The following PHKA1 variants were observed in gnomAD, a reference collection of about 807,000 sequenced individuals.
PHKA1 encodes phosphorylase kinase regulatory subunit alpha 1.
A neutral mutation model predicts 110.2 loss-of-function variants in PHKA1; 60 were observed. The observed-to-expected ratio is 0.54, with a 90% CI of 0.44 to 0.68. The LOEUF is 0.68. Ranked by LOEUF, PHKA1 falls within the 30% of genes least tolerant of loss-of-function variation. The pLI is 0.00. For synonymous variants in PHKA1, 316 were observed against 333.6 expected, an observed-to-expected ratio of 0.95 and a Z score of 0.58; for missense variants, 801 against 942.5, an observed-to-expected ratio of 0.85 and a Z score of 1.97.
intron 2 of PHKA1, among the ~76,000 whole-genome samples, chrX:72,709,893 A>T (rs1339199379): frequency 9.1e-6 from 1 of 109,325 alleles, no homozygotes; most frequent in Non-Finnish European, 1.9e-5. Flanking sequence ...ATACAAAAAA[A>T]TTAGCCGGGT....
At chrX:72,656,073 G>A (rs1569442695) in intron 10 of PHKA1, 47 bp downstream of exon 10, 3 of 1,194,303 alleles carry the variant, frequency 2.5e-6, no homozygotes, top group African/African-American at 1.7e-5. Context: ...GCTGTAAGAA[G>A]ATATAACAAA....
chrX:72,638,662 A>T (rs1167551110), intron 14 of PHKA1, among the ~76,000 whole-genome samples: 11 of 111,252 alleles, frequency 9.9e-5, no homozygotes, highest in Non-Finnish European at 1.9e-4. Context: ...TAGGATTTGT[A>T]TTTGAGGCTT....
chrX:72,679,366 A>C (rs782571312), intron 5 of PHKA1, among the ~76,000 whole-genome samples: 70 of 109,654 alleles, frequency 6.4e-4, no homozygotes, highest in Non-Finnish European at 1.3e-4. Context: ...ATTTACAGGA[A>C]TACAACAATA....
chrX:72,680,597 A>C (rs1400218293), intron 5 of PHKA1, among the ~76,000 whole-genome samples: 1 of 107,904 alleles, frequency 9.3e-6, no homozygotes, highest in African/African-American at 3.6e-5. Flanking sequence ...AAGTTTTTCG[A>C]GGGAGCCCGT....
At position 72,631,767 on chromosome X, in the gene PHKA1, T is replaced by C. The variant is rs782594603; in HGVS notation, c.1714+3388A>G. On this transcript the variant is annotated intron_variant, in intron 16 of 31. Transcript: ENST00000373542. ...AACTTTCAGAGTTTTCTTATGTTTG[T>C]TTTATATATGTCAAGGATTTTTAGC... Among the ~76,000 whole-genome samples the C allele has an allele frequency of 1.4e-4, 16 of 111,448 alleles. 1 individual carries two copies. The South Asian group carries it at 6.0e-3, about 42-fold the overall frequency.
intron 28 of PHKA1, among the ~76,000 whole-genome samples, chrX:72,599,233 T>C (rs2052627695): frequency 8.9e-6 from 1 of 111,804 alleles, no homozygotes; most frequent in African/African-American, 3.2e-5. Context: ...CCATTTTTTG[T>C]TTGGTAATTG....
chrX:72,672,256 A>G (rs1350487592), intron 6 of PHKA1, among the ~76,000 whole-genome samples: 2 of 112,043 alleles, frequency 1.8e-5, no homozygotes, highest in Non-Finnish European at 3.8e-5. Context: ...CCCTGAAACT[A>G]TTCTGCCCTC....
intron 17 of PHKA1, among the ~76,000 whole-genome samples, chrX:72,626,621 C>A (rs1251771637): frequency 9.0e-6 from 1 of 111,174 alleles, no homozygotes; most frequent in Non-Finnish European, 1.9e-5. Flanking sequence ...TAGTACTGAA[C>A]CTTATATATA....
At chrX:72,678,580 C>T (rs185759766) in intron 5 of PHKA1, among the ~76,000 whole-genome samples, 2 of 111,691 alleles carry the variant, frequency 1.8e-5, no homozygotes, top group Admixed American at 1.9e-4. Context: ...CCCTAACTTC[C>T]GCACTGAACC....
In PHKA1 at chrX:72,620,841, T is replaced by G; in HGVS notation, c.2021A>C (p.His674Pro). The change falls in exon 19 of 32, where the codon CAT becomes CCT. Residue 674 changes from histidine to proline, a missense_variant. This residue lies in a region of PHKA1 where 502 missense variants were observed against 519.2 expected (regional missense o/e 0.97). Coordinates refer to ENST00000373542, the MANE Select transcript of PHKA1 (RefSeq NM_002637.4). The part of the protein sequence containing the change: ...LDHLLAHTAP[H>P]PKLAPTSQKG... The stretch of plus-strand genomic sequence containing the variant: ...CTGTGAGGTAGGGGCTAGTTTAGGA[T>G]GGGGAGCAGTGTGCGCCAAAAGGTG... 8.3e-7 allele frequency: 1 copy of G among 1,210,345 alleles called. No homozygotes were observed. The highest frequency in any genetic ancestry group is 1.8e-5 in the South Asian group (1 of 56,858).
At chrX:72,713,015 T>A in intron 1 of PHKA1, 78 bp from the exon 2 acceptor site, 1 of 1,032,568 alleles carries the variant, frequency 9.7e-7, no homozygotes, top group Non-Finnish European at 1.4e-6. Flanking sequence ...CAAATGGGTT[T>A]TTTAGGGACT....
rs2052319866 is a variant in PHKA1, at chrX:72,580,379, G to A, written c.*623C>T. On this transcript the variant is annotated 3_prime_UTR_variant, in exon 32 of 32. Transcript: ENST00000373542. The stretch of plus-strand genomic sequence containing the variant: ...CATTATGTGTGCAGACACAGAGAGG[G>A]CAACAGTAGAGACAATGATTCTACA... 1 of 112,761 alleles carries A rather than the reference G, an allele frequency of 8.9e-6. No individual in the cohort carries two copies. The highest frequency in any genetic ancestry group is 9.3e-5 in the Admixed American group (1 of 10,731). The allele number at this position is 112,761 out of a possible 1,213,427, so 9.3% of individuals were successfully genotyped here. A position where few individuals can be genotyped will look rare whatever the true frequency, so the allele number is the denominator to read the frequency against.
At chrX:72,678,698 G>C (rs2053808405) in intron 5 of PHKA1, among the ~76,000 whole-genome samples, 1 of 111,820 alleles carries the variant, frequency 8.9e-6, no homozygotes, top group Non-Finnish European at 1.9e-5. Flanking sequence ...TGAAGTCACA[G>C]GTTCCAGATT....
intron 15 of PHKA1, among the ~76,000 whole-genome samples, chrX:72,635,508 A>G (rs1254877947): frequency 1.8e-5 from 2 of 111,565 alleles, no homozygotes; most frequent in Non-Finnish European, 3.8e-5. Context: ...GCAGTTTACG[A>G]AGTATTTTTA....
intron 23 of PHKA1, among the ~76,000 whole-genome samples, chrX:72,608,975 C>T (rs1447635359): frequency 8.9e-6 from 1 of 112,121 alleles, no homozygotes; most frequent in African/African-American, 3.2e-5. Flanking sequence ...TAAATTTTGG[C>T]ACTGGTGTGA....
chrX:72,707,723 GTA>G lies in PHKA1; in HGVS notation c.238-2480_238-2479del, dbSNP rs781952982. Reference sequence around the variant, plus strand: ...TTAACAACTAGCGAATTTAGATAGAGTATATGCAAATATGTTTATTTTACTAT... The same window carrying G: ...TTAACAACTAGCGAATTTAGATAGAGTATGCAAATATGTTTATTTTACTAT... On this transcript the variant is annotated intron_variant, in intron 2 of 31. Transcript: ENST00000373542. 3 of 110,307 alleles carry G rather than the reference GTA, an allele frequency of 2.7e-5. No individual in the cohort carries two copies. In the South Asian group the frequency reaches 1.2e-3, roughly 43 times the overall value. The allele number at this position is 110,307 out of a possible 1,213,427, so 9.1% of individuals were successfully genotyped here. A position where few individuals can be genotyped will look rare whatever the true frequency, so the allele number is the denominator to read the frequency against.
rs782012014 is a variant in PHKA1 at position 72,582,400 on chromosome X, G to C, written c.3496C>G (p.Gln1166Glu). Residue 1166 changes from glutamine (Q) to glutamate (E), a missense_variant and splice_region_variant, in exon 31 of 32, where the codon CAG (glutamine) becomes GAG (glutamate). Gln to Glu is a conservative substitution (Grantham distance 29). Around this residue, in one of 2 missense-constraint regions of PHKA1, gnomAD observed 502 missense variants for 519.2 expected, o/e 0.97. Coordinates refer to ENST00000373542, the MANE Select transcript of PHKA1 (RefSeq NM_002637.4). The part of the protein sequence containing the change: ...HIANDLFLQE[Q>E]KTLGADDTML... Reference sequence around the variant, plus strand: ...GAGAAAACAACAGGTTTGCCTACCTGTTCTTGAAGGAACAAGTCATTGGCA... The same window carrying C: ...GAGAAAACAACAGGTTTGCCTACCTCTTCTTGAAGGAACAAGTCATTGGCA... 2 of 1,180,250 alleles carry C rather than the reference G, an allele frequency of 1.7e-6. No individual in the cohort carries two copies. The highest frequency in any genetic ancestry group is 2.3e-6 in the Non-Finnish European group (2 of 868,142).
intron 6 of PHKA1, among the ~76,000 whole-genome samples, chrX:72,667,945 T>C (rs2053634435): frequency 8.9e-6 from 1 of 111,940 alleles, no homozygotes; most frequent in African/African-American, 3.2e-5. Flanking sequence ...ATGTTTTTTA[T>C]TAGTTTTTTC....
rs782549286 is a variant in PHKA1 at position 72,593,373 on chromosome X, G to A, written c.3073-99C>T. ...TTTTTTTGAGATGGAGTCTCGCTCT[G>A]TCGCCCAGGCTGGAGTGCAGTGGCG... On this transcript the variant is annotated intron_variant, in intron 28 of 31. Coordinates refer to ENST00000373542, the MANE Select transcript of PHKA1 (RefSeq NM_002637.4). 7.9e-6 allele frequency: 5 copies of A among 635,428 alleles called. No homozygotes were observed. In the East Asian group the frequency reaches 1.8e-4, roughly 23 times the overall value. The allele number at this position is 635,428 out of a possible 1,213,427, so 52.4% of individuals were successfully genotyped here. A position where few individuals can be genotyped will look rare whatever the true frequency, so the allele number is the denominator to read the frequency against.
Sources: allele counts gnomAD v4.1 joint callset (sites outside exome capture counted in the v4.1 genomes callset), GRCh38; gene constraint gnomAD v4.1.1; regional missense constraint gnomAD v4.1.1; transcripts MANE v1.5; gene names NCBI Gene and HGNC (gene_info 2026-07-23, HGNC 2026-07-21).